Variants in TAS2R1 observed in about 807,000 individuals in gnomAD.
The protein encoded by TAS2R1 is taste 2 receptor member 1.
For missense variants in TAS2R1, 370 were observed against 353.4 expected (o/e 1.05, Z -0.38); for synonymous variants, 141 against 134.2 (o/e 1.05, Z -0.35).
chr5:9,774,416 T>C, the TAS2R1 span, among the ~76,000 whole-genome samples: 1 of 152,286 alleles, frequency 6.6e-6, no homozygotes, highest in African/African-American at 2.4e-5. Context: ...TCTCCATGAT[T>C]GATCACTGAT....
intron 1 of TAS2R1, among the ~76,000 whole-genome samples, chr5:9,710,795 C>A (rs1424926701): frequency 2.6e-5 from 4 of 151,122 alleles, no homozygotes. Flanking sequence ...AGATGCTCAA[C>A]ATCATTAATT....
the TAS2R1 span, among the ~76,000 whole-genome samples, chr5:9,753,562 T>C: frequency 1.3e-5 from 2 of 152,164 alleles, no homozygotes; most frequent in African/African-American, 4.8e-5. Flanking sequence ...TTAGATCCCA[T>C]TTGTCAATTT....
At chr5:9,756,602 AT>A in the TAS2R1 span, among the ~76,000 whole-genome samples, 2 of 152,034 alleles carry the variant, frequency 1.3e-5, no homozygotes, top group African/African-American at 2.4e-5. Context: ...ATAAAACAAA[AT>A]TTTTTTTATG....
chr5:9,759,972 C>G, the TAS2R1 span, among the ~76,000 whole-genome samples: 1 of 152,172 alleles, frequency 6.6e-6, no homozygotes, highest in South Asian at 2.1e-4. Flanking sequence ...CACTAACCAA[C>G]AAAATGAGAG....
rs775146880 is a variant in TAS2R1 at position 9,629,708 on chromosome 5, T to C, written c.325A>G (p.Ser109Gly). 3 of 1,614,110 alleles carry C rather than the reference T, an allele frequency of 1.9e-6. No homozygotes were observed. Among genetic ancestry groups the C allele is most frequent in the Non-Finnish European group, 1.7e-6 (2 of 1,180,006 alleles). Residue 109 changes from serine to glycine, a missense_variant, in exon 1 of 1, where the codon AGC becomes GGC. Physicochemically the swap from Ser to Gly is moderately conservative, Grantham distance 56. Transcript: ENST00000382492. ...CAGATGAAGAGTGGGTGACGGACGC[T>C]GGCAACCTTGGCACAATAGAAAACG... ...LGVFYCAKVA[S>G]VRHPLFIWLK...
intron 1 of TAS2R1, among the ~76,000 whole-genome samples, chr5:9,699,246 C>A (rs190552348): frequency 6.6e-6 from 1 of 152,196 alleles, no homozygotes; most frequent in Non-Finnish European, 1.5e-5. Context: ...GCTAAATAAT[C>A]GAACATGTAA....
the TAS2R1 span, among the ~76,000 whole-genome samples, chr5:9,881,205 G>T: frequency 1.3e-5 from 2 of 151,770 alleles, no homozygotes; most frequent in African/African-American, 4.8e-5. Flanking sequence ...CTATATACAA[G>T]CAGTAGACAA....
At chr5:9,715,744 C>A (rs1005815602), upstream of TAS2R1, among the ~76,000 whole-genome samples, 3 of 152,212 alleles carry the variant, frequency 2.0e-5, no homozygotes, top group Non-Finnish European at 2.9e-5. Context: ...TTTCCCTCTA[C>A]CTAGATTGTT....
the TAS2R1 span, among the ~76,000 whole-genome samples, chr5:9,884,435 C>T: frequency 1.4e-5 from 2 of 143,046 alleles, no homozygotes; most frequent in East Asian, 2.1e-4. Flanking sequence ...GATCGTGCCA[C>T]TGTACTCCAG....
intron 1 of TAS2R1, among the ~76,000 whole-genome samples, chr5:9,669,651 C>A (rs1740711662): frequency 6.6e-6 from 1 of 152,166 alleles, no homozygotes; most frequent in South Asian, 2.1e-4. Context: ...CAACCTGCTT[C>A]TGAATGACTT....
chr5:9,688,735 G>A (rs1741175838), intron 1 of TAS2R1, among the ~76,000 whole-genome samples: 1 of 152,196 alleles, frequency 6.6e-6, no homozygotes, highest in Admixed American at 6.5e-5. Context: ...ATGATGGTGT[G>A]TTTCCCAGTG....
Position 9,629,008 on chromosome 5 carries a change from T to C in TAS2R1, c.*125A>G. The C allele has an allele frequency of 2.0e-6, 2 of 1,018,368 alleles. No homozygotes were observed. The highest frequency in any genetic ancestry group is 5.4e-5 in the Admixed American group (2 of 37,124). The allele number at this position is 1,018,368 out of a possible 1,614,324, so 63.1% of individuals were successfully genotyped here. A position where few individuals can be genotyped will look rare whatever the true frequency, so the allele number is the denominator to read the frequency against. On this transcript the variant is annotated 3_prime_UTR_variant, in exon 1 of 1. Coordinates refer to ENST00000382492, the MANE Select transcript of TAS2R1 (RefSeq NM_019599.3). Reference sequence around the variant, plus strand: ...ATCCACAGAAATACCTCAGGCTGGATAAACAGGCCTGAAGGGGACATGTTG... The same window carrying C: ...ATCCACAGAAATACCTCAGGCTGGACAAACAGGCCTGAAGGGGACATGTTG...
At chr5:9,796,590 C>T in the TAS2R1 span, among the ~76,000 whole-genome samples, 43 of 151,800 alleles carry the variant, frequency 2.8e-4, no homozygotes, top group African/African-American at 9.9e-4. Context: ...CCCAAATTTC[C>T]TCCTTCTGGG....
At chr5:9,861,696 A>G in the TAS2R1 span, among the ~76,000 whole-genome samples, 5 of 152,206 alleles carry the variant, frequency 3.3e-5, no homozygotes, top group South Asian at 1.0e-3. Context: ...GGGTGTGTAT[A>G]CAGCAGCAAA....
At chr5:9,663,804 C>G (rs1740580888) in intron 1 of TAS2R1, among the ~76,000 whole-genome samples, 1 of 152,130 alleles carries the variant, frequency 6.6e-6, no homozygotes, top group Non-Finnish European at 1.5e-5. Flanking sequence ...CTGGGTTACC[C>G]AGGTAAGCCC....
the TAS2R1 span, among the ~76,000 whole-genome samples, chr5:9,758,058 C>T: frequency 1.5e-4 from 23 of 152,090 alleles, no homozygotes; most frequent in African/African-American, 4.1e-4. Flanking sequence ...AAGTTTTCAA[C>T]GTAGCAGTTT....
At chr5:9,794,514 G>A in the TAS2R1 span, among the ~76,000 whole-genome samples, 2 of 152,032 alleles carry the variant, frequency 1.3e-5, no homozygotes, top group Admixed American at 6.5e-5. Context: ...ACAAATATAA[G>A]TGATCATTCT....
chr5:9,763,004 T>G, the TAS2R1 span, among the ~76,000 whole-genome samples: 1 of 152,164 alleles, frequency 6.6e-6, no homozygotes, highest in Non-Finnish European at 1.5e-5. Flanking sequence ...AGAAGCCCAT[T>G]CAGAGAAAGA....
intron 1 of TAS2R1, among the ~76,000 whole-genome samples, chr5:9,678,941 A>T (rs1740939154): frequency 6.6e-6 from 1 of 152,216 alleles, no homozygotes; most frequent in African/African-American, 2.4e-5. Flanking sequence ...TTAAAATAAA[A>T]GTTGATGGAA....
Sources: allele counts gnomAD v4.1 joint callset (sites outside exome capture counted in the v4.1 genomes callset), GRCh38; gene constraint gnomAD v4.1.1; transcripts MANE v1.5; gene names NCBI Gene and HGNC (gene_info 2026-07-23, HGNC 2026-07-21).